The following CDKAL1 variants were observed in gnomAD, a reference collection of about 807,000 sequenced individuals.
CDKAL1 encodes the protein threonylcarbamoyladenosine tRNA methylthiotransferase.
Under a neutral mutation model 68.2 loss-of-function variants are expected in CDKAL1, and 32 were observed. The ratio of observed to expected loss-of-function variants is 0.47; its 90% CI spans 0.35 to 0.63. CDKAL1 has a LOEUF of 0.63. Ranked by LOEUF, CDKAL1 falls within the 30% of genes least tolerant of loss-of-function variation. CDKAL1 has a pLI of 0.00. For missense variants in CDKAL1, 606 were observed against 696.7 expected, an observed-to-expected ratio of 0.87 and a Z score of 1.47; for synonymous variants, 234 against 244.3, an observed-to-expected ratio of 0.96 and a Z score of 0.39.
chr6:21,221,034 G>T (rs140016268), intron 15 of CDKAL1, among the ~76,000 whole-genome samples: 2,113 of 152,044 alleles, frequency 0.014, 48 homozygotes, highest in African/African-American at 0.047. Context: ...GGGCGTGGTG[G>T]CACATGCCTG....
chr6:20,991,385 T>C (rs1766787064), intron 10 of CDKAL1, among the ~76,000 whole-genome samples: 1 of 152,144 alleles, frequency 6.6e-6, no homozygotes, highest in Admixed American at 6.5e-5. Flanking sequence ...TTAATGTCAC[T>C]GAACTGTATA....
intron 13 of CDKAL1, among the ~76,000 whole-genome samples, chr6:21,139,367 A>G (rs532010232): frequency 1.9e-4 from 29 of 152,362 alleles, no homozygotes; most frequent in African/African-American, 5.8e-4. Context: ...TGGGAACAGA[A>G]CAGAGGATGT....
At chr6:20,604,766 T>A (rs1766261879) in intron 4 of CDKAL1, among the ~76,000 whole-genome samples, 1 of 152,256 alleles carries the variant, frequency 6.6e-6, no homozygotes, top group Non-Finnish European at 1.5e-5. Flanking sequence ...TTTTACAAGA[T>A]GTAGTATACA....
rs16884406 is a variant in CDKAL1 at position 21,027,962 on chromosome 6, C to T, written c.1055+27590C>T. Among the ~76,000 whole-genome samples the T allele has an allele frequency of 6.0e-4, 92 of 152,174 alleles. No individual in the cohort carries two copies. In the East Asian group the frequency reaches 0.014, roughly 23 times the overall value. On this transcript the variant is annotated intron_variant, in intron 11 of 15. Transcript: ENST00000274695. ...AATCTGAGGTGGAGCTCACTTGGCC[C>T]GTGGTGCTAAGGAGAACCAGAGAGG...
intron 5 of CDKAL1, among the ~76,000 whole-genome samples, chr6:20,657,930 T>C (rs1769103188): frequency 6.6e-6 from 1 of 152,230 alleles, no homozygotes; most frequent in Admixed American, 6.5e-5. Context: ...TAGTTCCTCT[T>C]GAGCATTTGT....
chr6:21,104,576 C>T (rs1356461938), intron 12 of CDKAL1, among the ~76,000 whole-genome samples: 1 of 151,430 alleles, frequency 6.6e-6, no homozygotes, highest in Non-Finnish European at 1.5e-5. Flanking sequence ...AGTTTGCCAA[C>T]CCCTGTTCTG....
chr6:20,860,234 C>A (rs372468660), intron 9 of CDKAL1, among the ~76,000 whole-genome samples: 11 of 152,034 alleles, frequency 7.2e-5, no homozygotes, highest in African/African-American at 2.7e-4. Flanking sequence ...CCTGCCACCA[C>A]GCCTGGCTAA....
intron 5 of CDKAL1, among the ~76,000 whole-genome samples, chr6:20,702,408 G>A (rs978453334): frequency 1.3e-5 from 2 of 152,266 alleles, no homozygotes; most frequent in Middle Eastern, 3.4e-3. Context: ...TCTGTATCCC[G>A]GATTCTTGCC....
intron 9 of CDKAL1, among the ~76,000 whole-genome samples, chr6:20,860,795 G>GAT (rs1759574371): frequency 6.6e-6 from 1 of 151,858 alleles, no homozygotes; most frequent in African/African-American, 2.4e-5. Flanking sequence ...CTGCACTCCA[G>GAT]CCTGGCAACA....
chr6:20,726,916 G>A (rs1027037740), intron 5 of CDKAL1, among the ~76,000 whole-genome samples: 2 of 152,178 alleles, frequency 1.3e-5, no homozygotes, highest in South Asian at 2.1e-4. Flanking sequence ...ATATCAAAAG[G>A]TGAACAAAAG....
chr6:21,101,715 T>C (rs112467034), intron 12 of CDKAL1, among the ~76,000 whole-genome samples: 1 of 150,530 alleles, frequency 6.6e-6, no homozygotes, highest in Non-Finnish European at 1.5e-5. Flanking sequence ...TTATCCTTTT[T>C]TCCCCCAGTC....
chr6:21,053,827 G>A (rs1770678028), intron 11 of CDKAL1, among the ~76,000 whole-genome samples: 2 of 152,072 alleles, frequency 1.3e-5, no homozygotes, highest in African/African-American at 4.8e-5. Flanking sequence ...CTTCCTGTTA[G>A]TGAGTCATAG....
chr6:20,911,484 A>G (rs574755052), intron 9 of CDKAL1, among the ~76,000 whole-genome samples: 1 of 152,330 alleles, frequency 6.6e-6, no homozygotes, highest in East Asian at 1.9e-4. Flanking sequence ...TGAATCAGTA[A>G]TCTCTTATGT....
chr6:21,123,931 A>G (rs1774856127), intron 13 of CDKAL1, among the ~76,000 whole-genome samples: 1 of 152,240 alleles, frequency 6.6e-6, no homozygotes. Context: ...AAAGGTCAGC[A>G]GCTGCAAACA....
intron 13 of CDKAL1, among the ~76,000 whole-genome samples, chr6:21,157,902 A>G (rs1039889270): frequency 1.2e-4 from 19 of 152,238 alleles, no homozygotes; most frequent in African/African-American, 4.6e-4. Flanking sequence ...GTTTATTTGG[A>G]AAAGAAATGT....
chr6:20,624,144 G>A (rs1330620373), intron 4 of CDKAL1, among the ~76,000 whole-genome samples: 3 of 151,996 alleles, frequency 2.0e-5, no homozygotes, highest in Non-Finnish European at 4.4e-5. Context: ...CAAGCAGTTT[G>A]TTTTCAAAAT....
chr6:20,658,771 C>T (rs1450112763), intron 5 of CDKAL1, among the ~76,000 whole-genome samples: 2 of 152,070 alleles, frequency 1.3e-5, no homozygotes, highest in Admixed American at 1.3e-4. Flanking sequence ...TCTTGTTAAC[C>T]ACATTCACTA....
chr6:20,888,748 C>G (rs1180420400), intron 9 of CDKAL1, among the ~76,000 whole-genome samples: 1 of 151,966 alleles, frequency 6.6e-6, no homozygotes, highest in Non-Finnish European at 1.5e-5. Context: ...TATGTGCCAC[C>G]TTTTCTTAAT....
At chr6:21,209,986 G>T (rs1426916589) in intron 15 of CDKAL1, among the ~76,000 whole-genome samples, 1 of 152,200 alleles carries the variant, frequency 6.6e-6, no homozygotes, top group Non-Finnish European at 1.5e-5. Context: ...ATGCATCAAA[G>T]AACTAATTGT....
Sources: gnomAD v4.1 joint callset for allele counts (sites outside exome capture counted in the v4.1 genomes callset) on GRCh38, gnomAD v4.1.1 for gene constraint, MANE v1.5 for transcripts, NCBI Gene and HGNC (gene_info 2026-07-23, HGNC 2026-07-21) for gene names.